Variants in DNAH3 observed in about 807,000 individuals in gnomAD.
DNAH3 encodes the protein dynein axonemal heavy chain 3.
Under a neutral mutation model 432.5 loss-of-function variants are expected in DNAH3, and 332 were observed. The ratio of observed to expected loss-of-function variants is 0.77; its 90% confidence interval spans 0.70 to 0.84. The LOEUF (loss-of-function observed/expected upper bound fraction) is 0.84, where lower values mean the gene tolerates loss of function less well. Ranked by LOEUF, DNAH3 falls within the 40% of genes least tolerant of loss-of-function variation. The probability of loss-of-function intolerance (pLI) is 0.00; values close to 1 mark genes in which losing one functional copy is unlikely to be tolerated. For missense variants in DNAH3, 4,861 were observed against 5,114.0 expected (o/e 0.95, Z 1.51); for synonymous variants, 1,956 against 1,900.2 (o/e 1.03, Z -0.76).
exon 53 of DNAH3, chr16:20,963,856 T>A: frequency 6.2e-7 from 1 of 1,614,078 alleles, no homozygotes; most frequent in Non-Finnish European, 8.5e-7. Flanking sequence ...GATGCGCAGA[T>A]TCAGTTCCTC....
chr16:20,945,287 T>C (rs976562029), intron 57 of DNAH3, among the ~76,000 whole-genome samples: 1 of 152,184 alleles, frequency 6.6e-6, no homozygotes, highest in African/African-American at 2.4e-5. Context: ...TGTTTACAGA[T>C]GTCATGACAA....
At chr16:21,024,216 C>T (rs1345607788) in intron 39 of DNAH3, among the ~76,000 whole-genome samples, 1 of 152,116 alleles carries the variant, frequency 6.6e-6, no homozygotes, top group Admixed American at 6.5e-5. Context: ...GAATTGGCAG[C>T]ACCAAAAGGA....
At chr16:21,124,125 A>G (rs2092399612) in intron 9 of DNAH3, among the ~76,000 whole-genome samples, 2 of 152,050 alleles carry the variant, frequency 1.3e-5, no homozygotes, top group African/African-American at 4.8e-5. Context: ...CTTCCCTAAA[A>G]CAGTTTCATG....
At chr16:20,946,491 G>A (rs372354877) in intron 57 of DNAH3, among the ~76,000 whole-genome samples, 15 of 152,228 alleles carry the variant, frequency 9.9e-5, no homozygotes, top group East Asian at 9.7e-4. Context: ...GCTGTGTCAC[G>A]GGCCATGGTC....
At chr16:21,000,075 G>A in intron 43 of DNAH3, 149 bp downstream of exon 43, 1 of 718,942 alleles carries the variant, frequency 1.4e-6, no homozygotes, top group Non-Finnish European at 2.1e-6. Flanking sequence ...GAAGAGGAGA[G>A]AATGAATACT....
chr16:20,987,991 A>G (rs781710617), exon 45 of DNAH3: 2 of 1,614,196 alleles, frequency 1.2e-6, no homozygotes, highest in Non-Finnish European at 1.7e-6. Flanking sequence ...TCAACAATCG[A>G]ACTGAAAATC....
At chr16:21,123,816 G>A (rs138600894) in intron 9 of DNAH3, among the ~76,000 whole-genome samples, 3,173 of 151,720 alleles carry the variant, frequency 0.021, 117 homozygotes, top group African/African-American at 0.073. Flanking sequence ...TTTAGACAGA[G>A]TCTCGCTCTG....
intron 7 of DNAH3, among the ~76,000 whole-genome samples, chr16:21,133,704 C>T (rs904215714): frequency 5.3e-5 from 8 of 152,188 alleles, no homozygotes; most frequent in Non-Finnish European, 7.3e-5. Flanking sequence ...CGCGCCATTG[C>T]ACTCCAGCCT....
At chr16:21,125,133 G>A in intron 9 of DNAH3, 42 bp downstream of exon 10, 5 of 1,513,780 alleles carry the variant, frequency 3.3e-6, no homozygotes, top group Non-Finnish European at 4.5e-6. Context: ...AAGTAACCAG[G>A]TTATTCCCCT....
At chr16:21,019,708 G>A (rs1308996330) in exon 41 of DNAH3, 15 of 1,614,066 alleles carry the variant, frequency 9.3e-6, no homozygotes, top group Admixed American at 3.3e-5. Flanking sequence ...ATCAGGTTGC[G>A]GAAAAACACA....
At chr16:20,981,112 C>T (rs2085877544) in intron 49 of DNAH3, among the ~76,000 whole-genome samples, 1 of 152,204 alleles carries the variant, frequency 6.6e-6, no homozygotes, top group Non-Finnish European at 1.5e-5. Context: ...AAATTATACA[C>T]TGAGTTAACT....
intron 1 of DNAH3, among the ~76,000 whole-genome samples, chr16:21,151,411 C>T (rs1398430888): frequency 5.3e-5 from 8 of 151,520 alleles, no homozygotes; most frequent in African/African-American, 9.7e-5. Flanking sequence ...AGCTCTGCCT[C>T]CCGGGTTCAC....
At chr16:21,048,050 C>T (rs1181923890) in intron 31 of DNAH3, among the ~76,000 whole-genome samples, 1 of 152,210 alleles carries the variant, frequency 6.6e-6, no homozygotes, top group African/African-American at 2.4e-5. Context: ...TCTCCAGCTG[C>T]TTGCTGTGAG....
At chr16:21,122,383 C>T (rs1250068071) in intron 9 of DNAH3, among the ~76,000 whole-genome samples, 3 of 151,916 alleles carry the variant, frequency 2.0e-5, no homozygotes, top group East Asian at 1.9e-4. Flanking sequence ...GGTGGAACCC[C>T]GTCTCTACTA....
At chr16:21,154,592 A>C (rs1409463524) in intron 1 of DNAH3, among the ~76,000 whole-genome samples, 1 of 152,192 alleles carries the variant, frequency 6.6e-6, no homozygotes. Context: ...GCTGCTAGGC[A>C]CTTAGTAGAC....
intron 50 of DNAH3, among the ~76,000 whole-genome samples, chr16:20,978,095 T>C (rs972120340): frequency 3.3e-5 from 5 of 152,224 alleles, no homozygotes; most frequent in Non-Finnish European, 7.4e-5. Flanking sequence ...AGATAATTTT[T>C]CAGGTGGCTC....
At chr16:21,019,690 T>C in exon 41 of DNAH3, 4 of 1,614,196 alleles carry the variant, frequency 2.5e-6, no homozygotes, top group South Asian at 1.1e-5. Flanking sequence ...TTATCATCCA[T>C]GCCCATGATC....
At position 21,020,397 on chromosome 16, in the gene DNAH3, A is replaced by ATTTTTT. The variant is rs56049638; in HGVS notation, c.5777-534_5777-529dup. Reference sequence around the variant, plus strand: ...TCACTATATATATATATATATATATATTTTTTTTTTTTTTTTTTTTTTTGA... The same window carrying ATTTTTT: ...TCACTATATATATATATATATATATATTTTTTTTTTTTTTTTTTTTTTTTTTTTTGA... On this transcript the variant is annotated intron_variant, in intron 40 of 61. Coordinates refer to ENST00000261383, the Ensembl canonical transcript of DNAH3. Among the ~76,000 whole-genome samples, 3 of 34,594 alleles carry ATTTTTT rather than the reference A, an allele frequency of 8.7e-5. 1 individual carries two copies. Among genetic ancestry groups the ATTTTTT allele is most frequent in the Non-Finnish European group, 1.4e-4 (3 of 21,694 alleles). The allele number at this position is 34,594 out of a possible 152,430, so 22.7% of individuals were successfully genotyped here. A position where few individuals can be genotyped will look rare whatever the true frequency, so the allele number is the denominator to read the frequency against.
exon 34 of DNAH3, chr16:21,037,906 C>T (rs2152729780): frequency 6.2e-7 from 1 of 1,614,146 alleles, no homozygotes. Context: ...AGCGCGCATA[C>T]CGTAGTCATA....
Sources: gnomAD v4.1 joint callset for allele counts (sites outside exome capture counted in the v4.1 genomes callset) on GRCh38, gnomAD v4.1.1 for gene constraint, MANE v1.5 for transcripts, NCBI Gene and HGNC (gene_info 2026-07-23, HGNC 2026-07-21) for gene names.